The following DPYD variants were observed in gnomAD, a reference collection of about 807,000 sequenced individuals.
DPYD encodes the protein dihydropyrimidine dehydrogenase [NADP(+)].
DPYD carries 109 observed loss-of-function variants against 116.2 expected under a neutral mutation model. The ratio of observed to expected loss-of-function variants is 0.94; its 90% CI spans 0.80 to 1.10. The LOEUF is 1.10. DPYD is among the 50% of genes least tolerant of loss of function. The probability of loss-of-function intolerance (pLI) is 0.00; values close to 1 mark genes in which losing one functional copy is unlikely to be tolerated. For synonymous variants in DPYD, 440 were observed against 432.0 expected (o/e 1.02, Z -0.23); for missense variants, 1,302 against 1,254.5 (o/e 1.04, Z -0.57).
chr1:97,493,863 C>G (rs192046368), intron 13 of DPYD, among the ~76,000 whole-genome samples: 26 of 152,246 alleles, frequency 1.7e-4, no homozygotes, highest in African/African-American at 6.0e-4. Context: ...TGTGATAAAT[C>G]ACATCATTTC....
chr1:97,198,130 T>C (rs887214447), intron 19 of DPYD, among the ~76,000 whole-genome samples: 2 of 152,150 alleles, frequency 1.3e-5, no homozygotes, highest in Non-Finnish European at 2.9e-5. Context: ...ATGCAGATTC[T>C]GGTTTTGTAG....
At chr1:97,695,065 C>T (rs1661219050) in intron 6 of DPYD, among the ~76,000 whole-genome samples, 1 of 152,120 alleles carries the variant, frequency 6.6e-6, no homozygotes, top group Admixed American at 6.5e-5. Flanking sequence ...TCCAATTCCC[C>T]ATAGGCGACA....
At chr1:97,501,290 A>G (rs1448685402) in intron 13 of DPYD, among the ~76,000 whole-genome samples, 2 of 152,088 alleles carry the variant, frequency 1.3e-5, no homozygotes, top group Non-Finnish European at 1.5e-5. Context: ...AATATGTTCT[A>G]TTTCATGTTT....
intron 18 of DPYD, among the ~76,000 whole-genome samples, chr1:97,267,042 C>T (rs966527500): frequency 3.3e-5 from 5 of 152,082 alleles, no homozygotes; most frequent in African/African-American, 1.2e-4. Flanking sequence ...TGGGTATATA[C>T]CCCGTAATGG....
At chr1:97,642,745 G>A (rs1463638608) in intron 8 of DPYD, among the ~76,000 whole-genome samples, 4 of 96,916 alleles carry the variant, frequency 4.1e-5, no homozygotes, top group African/African-American at 8.0e-5. Flanking sequence ...GTGGGGGGAG[G>A]GGGGAGGGAT....
rs373754218 is a variant in DPYD at position 97,428,440 on chromosome 1, G to A, written c.1905+21619C>T. On this transcript the variant is annotated intron_variant, in intron 14 of 22. Coordinates refer to ENST00000370192, the MANE Select transcript of DPYD (RefSeq NM_000110.4). Reference sequence around the variant, plus strand: ...TTTTTAAAAATTTAGTGCCCAGTGAGTACTTATGTAAATGAATACAATGAA... The same window carrying A: ...TTTTTAAAAATTTAGTGCCCAGTGAATACTTATGTAAATGAATACAATGAA... 1.4e-4 allele frequency among the ~76,000 whole-genome samples: 21 copies of A among 152,162 alleles called. No homozygotes were observed. In the East Asian group the frequency reaches 1.9e-3, roughly 14 times the overall value.
At position 97,593,251 on chromosome 1, in the gene DPYD, T is replaced by G; in HGVS notation, c.1095A>C (p.Lys365Asn). 1 of 1,614,104 alleles carries G rather than the reference T, an allele frequency of 6.2e-7. No individual in the cohort carries two copies. Residue 365 changes from lysine (K) to asparagine (N), a missense_variant, in exon 10 of 23, where the codon AAA becomes AAC. Physicochemically the swap from Lys to Asn is moderately conservative, Grantham distance 94 (BLOSUM62 0). Coordinates refer to ENST00000370192, the MANE Select transcript of DPYD (RefSeq NM_000110.4). ...GGACAGCTCTTATATTAACAAAGCCTTTTCTGAAGACGATGAACACACGGC... is the reference window on the plus strand; with the variant it reads ...GGACAGCTCTTATATTAACAAAGCCGTTTCTGAAGACGATGAACACACGGC... ...GARRVFIVFRKGFVNIRAVPE... is the reference protein window; with the variant it reads ...GARRVFIVFRNGFVNIRAVPE...
chr1:97,518,405 C>G (rs985630072), intron 12 of DPYD, among the ~76,000 whole-genome samples: 7 of 152,050 alleles, frequency 4.6e-5, no homozygotes, highest in African/African-American at 1.7e-4. Flanking sequence ...TCAGCTTCAT[C>G]ATATATCCAA....
At chr1:97,445,348 C>T (rs537269719) in intron 14 of DPYD, among the ~76,000 whole-genome samples, 2 of 152,208 alleles carry the variant, frequency 1.3e-5, no homozygotes, top group Non-Finnish European at 2.9e-5. Flanking sequence ...AATGTTAAGT[C>T]TCCACTGCAA....
chr1:97,890,823 T>C (rs1445738459), intron 1 of DPYD, among the ~76,000 whole-genome samples: 1 of 152,022 alleles, frequency 6.6e-6, no homozygotes, highest in Non-Finnish European at 1.5e-5. Flanking sequence ...TGATCATGTT[T>C]ATCTATGTCA....
At chr1:97,423,381 G>A (rs1294170106) in intron 14 of DPYD, among the ~76,000 whole-genome samples, 1 of 152,038 alleles carries the variant, frequency 6.6e-6, no homozygotes, top group Non-Finnish European at 1.5e-5. Flanking sequence ...GCTAAGTGGG[G>A]TAGGTGGAAG....
intron 21 of DPYD, among the ~76,000 whole-genome samples, chr1:97,094,754 A>G (rs923918737): frequency 6.6e-5 from 10 of 152,288 alleles, no homozygotes; most frequent in African/African-American, 2.4e-4. Context: ...GTCATTGTGT[A>G]GGAAACGTTT....
At chr1:97,874,212 A>G (rs1671794141) in intron 2 of DPYD, among the ~76,000 whole-genome samples, 1 of 151,960 alleles carries the variant, frequency 6.6e-6, no homozygotes. Flanking sequence ...TACATCATAG[A>G]ACTTCAGAAA....
intron 14 of DPYD, among the ~76,000 whole-genome samples, chr1:97,404,562 T>C (rs1673545000): frequency 6.6e-6 from 1 of 152,112 alleles, no homozygotes; most frequent in Non-Finnish European, 1.5e-5. Context: ...CCCTGATAAC[T>C]TTCCTTGCTT....
chr1:97,847,099 C>G (rs1670336497), intron 2 of DPYD, among the ~76,000 whole-genome samples: 1 of 152,120 alleles, frequency 6.6e-6, no homozygotes. Flanking sequence ...TAGAACTGGA[C>G]TATGTGAATT....
chr1:97,143,121 G>T (rs1054185298), intron 20 of DPYD, among the ~76,000 whole-genome samples: 2 of 151,594 alleles, frequency 1.3e-5, no homozygotes, highest in African/African-American at 4.8e-5. Context: ...ATATAGCAAG[G>T]TTTCTTGTTT....
chr1:97,287,430 T>C (rs1665776025), intron 18 of DPYD, among the ~76,000 whole-genome samples: 1 of 152,172 alleles, frequency 6.6e-6, no homozygotes, highest in South Asian at 2.1e-4. Context: ...TCCAGCTGCG[T>C]GCTGGGAGAA....
chr1:97,410,841 G>C (rs1344522032), intron 14 of DPYD, among the ~76,000 whole-genome samples: 1 of 152,050 alleles, frequency 6.6e-6, no homozygotes, highest in Non-Finnish European at 1.5e-5. Flanking sequence ...AGTTTACATT[G>C]CTTGAGCAGA....
chr1:97,192,709 T>C (rs1176585506), intron 20 of DPYD, among the ~76,000 whole-genome samples: 1 of 152,202 alleles, frequency 6.6e-6, no homozygotes, highest in Non-Finnish European at 1.5e-5. Flanking sequence ...GTGATTTGAT[T>C]GTCTTGAAAA....
Sources: allele counts gnomAD v4.1 joint callset (sites outside exome capture counted in the v4.1 genomes callset), GRCh38; gene constraint gnomAD v4.1.1; transcripts MANE v1.5; gene names NCBI Gene and HGNC (gene_info 2026-07-23, HGNC 2026-07-21).